The following PCNX2 variants were observed in gnomAD, a reference collection of about 807,000 sequenced individuals.
PCNX2 encodes the protein pecanex-like protein 2.
A neutral mutation model predicts 223.8 loss-of-function variants in PCNX2; 168 were observed. That is an observed-to-expected ratio of 0.75 (90% CI 0.66 to 0.85). The LOEUF (loss-of-function observed/expected upper bound fraction) is 0.85, where lower values mean the gene tolerates loss of function less well. Among genes scored for constraint, PCNX2 ranks in the 40% least tolerant of loss-of-function variants. The probability of loss-of-function intolerance (pLI) is 0.00; values close to 1 mark genes in which losing one functional copy is unlikely to be tolerated. For synonymous variants in PCNX2, 1,006 were observed against 1,052.6 expected (o/e 0.96, Z 0.86); for missense variants, 2,507 against 2,675.5 (o/e 0.94, Z 1.39).
chr1:233,245,741 C>T (rs1026827226), intron 8 of PCNX2, among the ~76,000 whole-genome samples: 1 of 152,044 alleles, frequency 6.6e-6, no homozygotes, highest in Non-Finnish European at 1.5e-5. Flanking sequence ...GTTGAATCCC[C>T]GTCTCTACTA....
chr1:233,108,687 T>C (rs1168761378), intron 21 of PCNX2, among the ~76,000 whole-genome samples: 1 of 152,166 alleles, frequency 6.6e-6, no homozygotes, highest in African/African-American at 2.4e-5. Flanking sequence ...CAATAAATGC[T>C]GTTGTCTTTA....
intron 15 of PCNX2, among the ~76,000 whole-genome samples, chr1:233,191,267 G>A (rs1380865336): frequency 6.6e-6 from 1 of 152,172 alleles, no homozygotes; most frequent in Non-Finnish European, 1.5e-5. Flanking sequence ...ACAGTACCCA[G>A]CAGAGCTATT....
rs796754790 is a variant in PCNX2 at position 233,295,057 on chromosome 1, CAG to C, written c.153+267_153+268del. ...CAGGCTGCACGCTCCCTGCCACAAG[CAG>C]AGTGACTCATCCTAACATCCGGCAT... On this transcript the variant is annotated intron_variant, in intron 1 of 33. Transcript: ENST00000258229. This position sits in a 1 kb window ranked among gnomAD's most constrained non-coding sequence, Gnocchi z 4.1. Among the ~76,000 whole-genome samples, 7 of 152,310 alleles carry C rather than the reference CAG, an allele frequency of 4.6e-5. No individual in the cohort carries two copies. The highest frequency in any genetic ancestry group is 1.7e-4 in the African/African-American group (7 of 41,560).
At chr1:233,017,517 C>A (rs541087586) in intron 26 of PCNX2, among the ~76,000 whole-genome samples, 1 of 151,956 alleles carries the variant, frequency 6.6e-6, no homozygotes, top group Non-Finnish European at 1.5e-5. Flanking sequence ...GGGGTTTCAC[C>A]ATGTTAGCCA....
intron 28 of PCNX2, among the ~76,000 whole-genome samples, chr1:233,005,703 T>C (rs1670259920): frequency 6.6e-6 from 1 of 152,188 alleles, no homozygotes; most frequent in Admixed American, 6.5e-5. Context: ...TGGTGAGCTG[T>C]GACAAGCCAA....
At chr1:233,069,863 T>C (rs1313635319) in intron 23 of PCNX2, among the ~76,000 whole-genome samples, 1 of 151,502 alleles carries the variant, frequency 6.6e-6, no homozygotes, top group Non-Finnish European at 1.5e-5. Context: ...AAAGCAAGCA[T>C]AAGAAATGAA....
chr1:233,162,525 A>G (rs1558297621), intron 17 of PCNX2, among the ~76,000 whole-genome samples: 1 of 152,230 alleles, frequency 6.6e-6, no homozygotes, highest in Non-Finnish European at 1.5e-5. Flanking sequence ...AGATTTATTC[A>G]TAGTAATTAA....
At position 233,258,857 on chromosome 1, in the gene PCNX2, G is replaced by T; in HGVS notation, c.1005C>A (p.Thr335=). The change falls in exon 5 of 34, where the codon ACC becomes ACA. Residue 335 remains threonine, a synonymous_variant. Transcript: ENST00000258229. ...EPADTSCQVD[T]SCQGDLPLHQ... ...GCAAGGGCAGGTCCCCCTGGCAGGAGGTATCTACCTGACAGGATGTGTCTG... is the reference window on the plus strand; with the variant it reads ...GCAAGGGCAGGTCCCCCTGGCAGGATGTATCTACCTGACAGGATGTGTCTG... 6.2e-7 allele frequency: 1 copy of T among 1,613,954 alleles called. No individual in the cohort carries two copies. The highest frequency in any genetic ancestry group is 2.2e-5 in the East Asian group (1 of 44,868).
At chr1:233,127,217 G>A (rs990989641) in intron 21 of PCNX2, among the ~76,000 whole-genome samples, 2 of 152,018 alleles carry the variant, frequency 1.3e-5, no homozygotes, top group African/African-American at 2.4e-5. Flanking sequence ...TCTGTAGCAC[G>A]GCACGCTGGG....
chr1:233,010,867 TTTTC>T (rs1454691980), intron 28 of PCNX2, among the ~76,000 whole-genome samples: 9 of 152,192 alleles, frequency 5.9e-5, no homozygotes, highest in Admixed American at 5.2e-4. Context: ...ATGCATATAT[TTTTC>T]TTTCTTCAGG....
chr1:233,037,235 C>T (rs370025656), intron 25 of PCNX2, among the ~76,000 whole-genome samples: 6 of 152,184 alleles, frequency 3.9e-5, no homozygotes, highest in Non-Finnish European at 7.3e-5. Context: ...TGTTGAACCA[C>T]GGAATGGGTT....
chr1:233,071,503 G>C (rs994247598), intron 23 of PCNX2, among the ~76,000 whole-genome samples: 7 of 152,082 alleles, frequency 4.6e-5, no homozygotes, highest in African/African-American at 1.7e-4. Flanking sequence ...TTCTTTTTAT[G>C]GCTTCATAGT....
rs1676726429 is a variant in PCNX2 at position 233,135,052 on chromosome 1, G to A, written c.3798C>T (p.Phe1266=). 5 of 1,611,802 alleles carry A rather than the reference G, an allele frequency of 3.1e-6. No individual in the cohort carries two copies. Among genetic ancestry groups the A allele is most frequent in the Non-Finnish European group, 4.2e-6 (5 of 1,177,886 alleles). Residue 1266 remains phenylalanine, a synonymous_variant, in exon 21 of 34, where the codon TTC becomes TTT. Transcript: ENST00000258229. The stretch of plus-strand genomic sequence containing the variant: ...TGGACACCATGAAGAAATCCAGTAA[G>A]AAGCTCTCTGAAATATCTTTGTAGT... ...HFDYKDISES[F]LLDFFMVSIL...
chr1:233,014,233 G>A (rs573282967), intron 28 of PCNX2, among the ~76,000 whole-genome samples: 2 of 152,298 alleles, frequency 1.3e-5, no homozygotes, highest in South Asian at 4.1e-4. Context: ...AAGCTCCAAG[G>A]AGACGGGGTG....
intron 21 of PCNX2, among the ~76,000 whole-genome samples, chr1:233,130,378 G>A (rs1676403528): frequency 6.6e-6 from 1 of 151,922 alleles, no homozygotes; most frequent in South Asian, 2.1e-4. Context: ...ACTAGGAAGT[G>A]TCTCACCCAC....
intron 2 of PCNX2, 53 bp downstream of exon 2, chr1:233,262,905 A>C (rs1050249823): frequency 1.0e-5 from 16 of 1,562,374 alleles, no homozygotes; most frequent in Non-Finnish European, 1.4e-5. Context: ...ACTTATTTTA[A>C]TCAAGAGCAA....
chr1:233,097,940 A>G (rs566512445), intron 21 of PCNX2, among the ~76,000 whole-genome samples: 1 of 152,330 alleles, frequency 6.6e-6, no homozygotes, highest in Non-Finnish European at 1.5e-5. Flanking sequence ...AAAAGTCTTG[A>G]AAAGTGGTGG....
In PCNX2 at chr1:232,998,394, ATGTTGCCGCCAC is replaced by A; in HGVS notation, c.5636_5647del (p.Ser1879_Asn1882del). On this transcript the variant is annotated inframe_deletion, in exon 32 of 34. Coordinates refer to ENST00000258229, the MANE Select transcript of PCNX2 (RefSeq NM_014801.4). ...GGCCCCTCCTCCGTCCACGTCTTCA[ATGTTGCCGCCAC>A]TGTGCTGGCGGGCATTGCAATCCTT... 2 of 1,612,880 alleles carry A rather than the reference ATGTTGCCGCCAC, an allele frequency of 1.2e-6. No homozygotes were observed. The highest frequency in any genetic ancestry group is 1.7e-6 in the Non-Finnish European group (2 of 1,179,580).
At chr1:233,015,542 T>C (rs1221171511) in intron 27 of PCNX2, among the ~76,000 whole-genome samples, 7 of 151,804 alleles carry the variant, frequency 4.6e-5, no homozygotes, top group Non-Finnish European at 1.0e-4. Flanking sequence ...CTACTAAAAA[T>C]ACAAAAATTA....
Sources: allele counts gnomAD v4.1 joint callset (sites outside exome capture counted in the v4.1 genomes callset), GRCh38; gene constraint gnomAD v4.1.1; non-coding constraint Gnocchi (gnomAD v3.1); transcripts MANE v1.5; gene names NCBI Gene and HGNC (gene_info 2026-07-23, HGNC 2026-07-21).